Variants in ANKS1B observed in about 807,000 individuals in gnomAD.
ANKS1B encodes the protein ankyrin repeat and sterile alpha motif domain-containing protein 1B.
ANKS1B carries 36 observed loss-of-function variants against 148.3 expected under a neutral mutation model. The observed-to-expected ratio is 0.24, with a 90% CI of 0.19 to 0.32. ANKS1B has a LOEUF of 0.32. Ranked by LOEUF, ANKS1B falls within the 10% of genes least tolerant of loss-of-function variation. The pLI is 1.00. For synonymous variants in ANKS1B, 542 were observed against 560.8 expected, an observed-to-expected ratio of 0.97 and a Z score of 0.47; for missense variants, 1,157 against 1,542.6, an observed-to-expected ratio of 0.75 and a Z score of 4.19.
At chr12:99,670,764 C>T (rs766638617) in intron 8 of ANKS1B, among the ~76,000 whole-genome samples, 1 of 152,004 alleles carries the variant, frequency 6.6e-6, no homozygotes, top group Non-Finnish European at 1.5e-5. Context: ...AGCAAAAGCA[C>T]CTCATGAGAT....
At chr12:99,556,804 G>C (rs954364781) in intron 9 of ANKS1B, among the ~76,000 whole-genome samples, 3 of 152,150 alleles carry the variant, frequency 2.0e-5, no homozygotes, top group African/African-American at 7.2e-5. Context: ...TGTGGTCAGA[G>C]AGTATGGTTG....
intron 8 of ANKS1B, among the ~76,000 whole-genome samples, chr12:99,710,930 TTA>T (rs2056548409): frequency 2.6e-5 from 4 of 152,058 alleles, no homozygotes; most frequent in Admixed American, 2.0e-4. Context: ...TTGCTTTGTG[TTA>T]ATTCCTTTTT....
At position 99,582,503 on chromosome 12, in the gene ANKS1B, T is replaced by C. The variant is rs118102252; in HGVS notation, c.1272+72564A>G. On this transcript the variant is annotated intron_variant, in intron 9 of 26. Transcript: ENST00000683438. Reference sequence around the variant, plus strand: ...GTTCAATATCCATAAAAAATAATGCTACTCAGCAATGAAAGGGACAGACAA... The same window carrying C: ...GTTCAATATCCATAAAAAATAATGCCACTCAGCAATGAAAGGGACAGACAA... Among the ~76,000 whole-genome samples the C allele has an allele frequency of 7.2e-3, 1,101 of 152,254 alleles. 8 individuals carry two copies. Among genetic ancestry groups the C allele is most frequent in the Non-Finnish European group, 0.012 (827 of 68,002 alleles).
At chr12:98,967,076 G>A (rs1041056881) in intron 17 of ANKS1B, among the ~76,000 whole-genome samples, 13 of 152,164 alleles carry the variant, frequency 8.5e-5, no homozygotes, top group Admixed American at 7.2e-4. Flanking sequence ...TGAGTCATAG[G>A]AGGGATGCCA....
At chr12:99,937,924 T>G (rs2094821340) in intron 1 of ANKS1B, among the ~76,000 whole-genome samples, 1 of 151,936 alleles carries the variant, frequency 6.6e-6, no homozygotes, top group Admixed American at 6.6e-5. Context: ...GAAAAGAAAA[T>G]CCTGGGAGCA....
At chr12:99,822,344 T>C (rs2153679980) in intron 2 of ANKS1B, among the ~76,000 whole-genome samples, 1 of 152,324 alleles carries the variant, frequency 6.6e-6, no homozygotes, top group Admixed American at 6.5e-5. Flanking sequence ...GCAACTTTTA[T>C]TTTAGATTCA....
In ANKS1B at chr12:99,455,674, C is replaced by T. The variant is rs556928470; in HGVS notation, c.1439-11865G>A. ...TCCACCACTTTCCTGGTGACCTGTG[C>T]GACTCAGCAGAGGCAGCCATAATCC... On this transcript the variant is annotated intron_variant, in intron 10 of 26. Coordinates refer to ENST00000683438, the MANE Select transcript of ANKS1B (RefSeq NM_001352186.2). Among the ~76,000 whole-genome samples the T allele has an allele frequency of 5.3e-5, 8 of 152,078 alleles. 1 individual carries two copies. In the South Asian group the frequency reaches 6.2e-4, roughly 12 times the overall value.
chr12:99,363,641 C>T (rs1416658027), intron 12 of ANKS1B, among the ~76,000 whole-genome samples: 2 of 152,068 alleles, frequency 1.3e-5, no homozygotes. Context: ...ATATGATAAT[C>T]CTATTATTAA....
chr12:99,265,254 C>A (rs181149519), intron 12 of ANKS1B, among the ~76,000 whole-genome samples: 90 of 152,256 alleles, frequency 5.9e-4, no homozygotes, highest in East Asian at 1.9e-4. Flanking sequence ...ATTCTTAGGC[C>A]TTGCTCTAGA....
chr12:99,219,934 A>C (rs2084819705), intron 14 of ANKS1B, among the ~76,000 whole-genome samples: 1 of 152,236 alleles, frequency 6.6e-6, no homozygotes, highest in African/African-American at 2.4e-5. Context: ...ATATTTTAAA[A>C]GTATTGGAGT....
chr12:99,446,944 G>A (rs533639021), intron 10 of ANKS1B, among the ~76,000 whole-genome samples: 7 of 151,992 alleles, frequency 4.6e-5, no homozygotes, highest in Admixed American at 2.6e-4. Context: ...ATTAGATTCT[G>A]GACATGTGTT....
chr12:98,836,790 A>T (rs1255647298), intron 17 of ANKS1B, among the ~76,000 whole-genome samples: 1 of 152,204 alleles, frequency 6.6e-6, no homozygotes, highest in East Asian at 1.9e-4. Flanking sequence ...TAAAAGACAA[A>T]ATAATGGTAA....
chr12:98,893,390 A>C (rs2099756789), intron 17 of ANKS1B: 1 of 152,188 alleles, frequency 6.6e-6, no homozygotes, highest in Non-Finnish European at 1.5e-5. Flanking sequence ...GAGTACAAGG[A>C]ATACAGATTT....
At chr12:99,158,071 G>C (rs2076262578) in intron 14 of ANKS1B, among the ~76,000 whole-genome samples, 1 of 152,048 alleles carries the variant, frequency 6.6e-6, no homozygotes, top group Non-Finnish European at 1.5e-5. Flanking sequence ...GTATAAAAGA[G>C]AGGGAAGAAG....
intron 14 of ANKS1B, among the ~76,000 whole-genome samples, chr12:99,211,489 C>A (rs2083338262): frequency 6.6e-6 from 1 of 152,180 alleles, no homozygotes; most frequent in Admixed American, 6.5e-5. Context: ...TGTCTATAAA[C>A]CCATCTCCTC....
intron 8 of ANKS1B, among the ~76,000 whole-genome samples, chr12:99,744,084 T>C (rs533889109): frequency 1.3e-5 from 2 of 152,136 alleles, no homozygotes; most frequent in East Asian, 1.9e-4. Flanking sequence ...GATTTCAGTA[T>C]CCTTTGGGTT....
At chr12:98,972,712 T>C (rs2099884401) in intron 17 of ANKS1B, among the ~76,000 whole-genome samples, 1 of 152,218 alleles carries the variant, frequency 6.6e-6, no homozygotes, top group South Asian at 2.1e-4. Context: ...TTATTAGAAA[T>C]GGAAATCTGG....
intron 8 of ANKS1B, among the ~76,000 whole-genome samples, chr12:99,687,083 T>A (rs1304559026): frequency 6.6e-6 from 1 of 152,194 alleles, no homozygotes; most frequent in Non-Finnish European, 1.5e-5. Context: ...CCTTCACTTA[T>A]GAAATATAAT....
intron 9 of ANKS1B, among the ~76,000 whole-genome samples, chr12:99,515,910 T>C (rs150157615): frequency 3.8e-4 from 58 of 152,268 alleles, no homozygotes; most frequent in African/African-American, 1.3e-3. Flanking sequence ...TCTCTGACGA[T>C]CAGTGATGCT....
Sources: gnomAD v4.1 joint callset for allele counts (sites outside exome capture counted in the v4.1 genomes callset) on GRCh38, gnomAD v4.1.1 for gene constraint, MANE v1.5 for transcripts, NCBI Gene and HGNC (gene_info 2026-07-23, HGNC 2026-07-21) for gene names.